RBFOX1: variants seen among roughly 807,000 people sequenced by gnomAD.
RBFOX1 encodes RNA binding protein fox-1 homolog 1.
RBFOX1 carries 8 observed loss-of-function variants against 57.7 expected under a neutral mutation model. The observed-to-expected ratio is 0.14, with a 90% CI of 0.08 to 0.25. The LOEUF is 0.25. Among genes scored for constraint, RBFOX1 ranks in the 10% least tolerant of loss-of-function variants. RBFOX1 has a pLI of 1.00. For synonymous variants in RBFOX1, 326 were observed against 222.4 expected, an observed-to-expected ratio of 1.47 and a Z score of -4.15; for missense variants, 611 against 548.5, an observed-to-expected ratio of 1.11 and a Z score of -1.14.
chr16:7,211,222 T>G (rs2091063957), intron 4 of RBFOX1, among the ~76,000 whole-genome samples: 1 of 151,646 alleles, frequency 6.6e-6, no homozygotes, highest in African/African-American at 2.4e-5. Flanking sequence ...AAACCCCGTC[T>G]CTACTAAAAA....
At chr16:7,317,167 G>T (rs2096459957) in intron 4 of RBFOX1, among the ~76,000 whole-genome samples, 1 of 152,090 alleles carries the variant, frequency 6.6e-6, no homozygotes, top group Admixed American at 6.6e-5. Context: ...TGGTCGCTTG[G>T]ACTAGGAGTG....
intron 2 of RBFOX1, among the ~76,000 whole-genome samples, chr16:6,627,781 A>C (rs980574791): frequency 6.6e-6 from 1 of 152,144 alleles, no homozygotes; most frequent in African/African-American, 2.4e-5. Context: ...ACTGAAGCCA[A>C]TTGATAAAAT....
intron 4 of RBFOX1, chr16:7,126,280 A>G: frequency 3.2e-6 from 1 of 313,056 alleles, no homozygotes; most frequent in Non-Finnish European, 6.1e-6. Flanking sequence ...TCAGTCTTGA[A>G]GGACTCAGCT....
chr16:6,000,910 C>T (rs1033877048), intron 4 of RBFOX1, among the ~76,000 whole-genome samples: 12 of 14,016 alleles, frequency 8.6e-4, no homozygotes, highest in Admixed American at 2.8e-3. Flanking sequence ...GGTGGGTGGG[C>T]GGGTAGGTAT....
intron 3 of RBFOX1, among the ~76,000 whole-genome samples, chr16:6,876,855 G>C (rs1314881298): frequency 6.6e-6 from 1 of 152,148 alleles, no homozygotes; most frequent in African/African-American, 2.4e-5. Flanking sequence ...ATGGAAGTGG[G>C]ATTGGCATTC....
chr16:6,076,146 A>G (rs1469561364), intron 1 of RBFOX1, among the ~76,000 whole-genome samples: 1 of 152,034 alleles, frequency 6.6e-6, no homozygotes, highest in Non-Finnish European at 1.5e-5. Context: ...TAAAAATACA[A>G]AATTAGCCAG....
In RBFOX1 at chr16:5,613,825, C is replaced by A. The variant is rs2047915958; in HGVS notation, c.318+14864C>A. On this transcript the variant is annotated intron_variant, in intron 3 of 19. Transcript: ENST00000641259. The stretch of plus-strand genomic sequence containing the variant: ...TGGGGTTTTTTTTTTTCTTCCCCAG[C>A]CAGCATCCGAAGACTGGATTCTATG... Among the ~76,000 whole-genome samples the A allele has an allele frequency of 2.0e-5, 3 of 152,032 alleles. No individual in the cohort carries two copies. In the South Asian group the frequency reaches 6.2e-4, roughly 32 times the overall value.
At chr16:5,983,277 G>A (rs1596341058) in intron 4 of RBFOX1, among the ~76,000 whole-genome samples, 1 of 152,222 alleles carries the variant, frequency 6.6e-6, no homozygotes, top group East Asian at 1.9e-4. Context: ...ATTAGGGAGG[G>A]TGGCACTTGA....
chr16:5,532,637 T>C (rs1180869042), intron 2 of RBFOX1, among the ~76,000 whole-genome samples: 1 of 152,252 alleles, frequency 6.6e-6, no homozygotes, highest in Non-Finnish European at 1.5e-5. Flanking sequence ...ATAGAGGTTC[T>C]TTGCTGAAGA....
intron 3 of RBFOX1, among the ~76,000 whole-genome samples, chr16:7,005,703 T>TG (rs752021945): frequency 1.3e-5 from 2 of 152,176 alleles, no homozygotes; most frequent in East Asian, 3.9e-4. Flanking sequence ...CTCAGGACTG[T>TG]GGTGGGTCAG....
At chr16:7,246,397 A>C (rs1441811857) in intron 4 of RBFOX1, among the ~76,000 whole-genome samples, 2 of 152,088 alleles carry the variant, frequency 1.3e-5, no homozygotes, top group Admixed American at 6.5e-5. Flanking sequence ...GATAACCCGA[A>C]TGTTTTCCTC....
intron 4 of RBFOX1, among the ~76,000 whole-genome samples, chr16:7,072,431 C>T (rs762815217): frequency 6.6e-6 from 1 of 152,162 alleles, no homozygotes; most frequent in Non-Finnish European, 1.5e-5. Flanking sequence ...AGATTGACTC[C>T]TCTTAAGGGT....
upstream of RBFOX1, among the ~76,000 whole-genome samples, chr16:6,014,425 A>C (rs1434488342): frequency 6.6e-6 from 1 of 152,226 alleles, no homozygotes; most frequent in Admixed American, 6.5e-5. Context: ...CACAAAAAAG[A>C]GACCTCATCT....
chr16:5,712,693 T>G (rs2151511543), intron 3 of RBFOX1, among the ~76,000 whole-genome samples: 1 of 152,184 alleles, frequency 6.6e-6, no homozygotes. Context: ...AATAGCAGAG[T>G]CCAGATTTTA....
chr16:6,659,241 T>TTGTCACAGG (rs59444131), intron 3 of RBFOX1, among the ~76,000 whole-genome samples: 1 of 152,140 alleles, frequency 6.6e-6, no homozygotes, highest in African/African-American at 2.4e-5. Context: ...GAGAGCCCAT[T>TTGTCACAGG]TTATAAACAC....
intron 1 of RBFOX1, among the ~76,000 whole-genome samples, chr16:5,340,810 C>T (rs2065015143): frequency 1.3e-5 from 2 of 152,280 alleles, no homozygotes; most frequent in African/African-American, 2.4e-5. Flanking sequence ...CCTATTCTCA[C>T]ATGGGAGACA....
intron 4 of RBFOX1, among the ~76,000 whole-genome samples, chr16:7,144,045 G>A (rs76654553): frequency 0.04 from 6,033 of 152,176 alleles, 408 homozygotes; most frequent in African/African-American, 0.13. Flanking sequence ...GTCCGTAAAG[G>A]CTGAGTTTCG....
intron 1 of RBFOX1, among the ~76,000 whole-genome samples, chr16:5,306,992 A>G (rs535292909): frequency 4.1e-4 from 62 of 152,114 alleles, no homozygotes; most frequent in African/African-American, 1.4e-3. Context: ...AACTTTGGCA[A>G]TCTTTGCTGG....
At chr16:5,366,005 C>G in intron 1 of RBFOX1, 3 of 497,826 alleles carry the variant, frequency 6.0e-6, no homozygotes, top group Non-Finnish European at 7.9e-6. Flanking sequence ...AGAAGGCAGT[C>G]CAATTAAAGT....
Sources: allele counts gnomAD v4.1 joint callset (sites outside exome capture counted in the v4.1 genomes callset), GRCh38; gene constraint gnomAD v4.1.1; transcripts MANE v1.5; gene names NCBI Gene and HGNC (gene_info 2026-07-23, HGNC 2026-07-21).